The following MOK variants were observed in gnomAD, a reference collection of about 807,000 sequenced individuals.
The protein encoded by MOK is MOK protein kinase.
MOK carries 59 observed loss-of-function variants against 54.2 expected under a neutral mutation model. That is an observed-to-expected ratio of 1.09 (90% CI 0.88 to 1.35). MOK has a LOEUF of 1.35. Among genes scored for constraint, MOK ranks in the 40% most tolerant of loss-of-function variants. The pLI is 0.00. For synonymous variants in MOK, 210 were observed against 202.7 expected, an observed-to-expected ratio of 1.04 and a Z score of -0.31; for missense variants, 517 against 526.2, an observed-to-expected ratio of 0.98 and a Z score of 0.17.
intron 1 of MOK, among the ~76,000 whole-genome samples, chr14:102,289,582 C>CA (rs1293264410): frequency 1.3e-5 from 2 of 152,090 alleles, no homozygotes; most frequent in African/African-American, 4.8e-5. Flanking sequence ...CTCCATCTTC[C>CA]AAGTTCAAGA....
intron 7 of MOK, among the ~76,000 whole-genome samples, chr14:102,239,805 G>GT (rs977569557): frequency 6.6e-6 from 1 of 152,158 alleles, no homozygotes; most frequent in Admixed American, 6.5e-5. Flanking sequence ...GGAGGCAAAG[G>GT]TTGCAGTGAG....
rs750741508 is a variant in MOK, at chr14:102,233,787, A to C, written c.593T>G (p.Leu198Arg). The change falls in exon 8 of 12, where the codon CTG becomes CGG. Residue 198 changes from leucine to arginine, a missense_variant and splice_region_variant. By Grantham distance (102) the Leu-to-Arg change is moderately radical (BLOSUM62 -2). Coordinates refer to ENST00000361847, the MANE Select transcript of MOK (RefSeq NM_014226.3). Reference sequence around the variant, plus strand: ...ATTTACTCCAGGAAAGAGGGGCTGCAGACTGGAAGGGCAGAAGGGGCACTG... The same window carrying C: ...ATTTACTCCAGGAAAGAGGGGCTGCCGACTGGAAGGGCAGAAGGGGCACTG... ...AGCVFYEIAS[L>R]QPLFPGVNEL... The C allele has an allele frequency of 3.1e-6, 5 of 1,612,510 alleles. No individual in the cohort carries two copies. Among genetic ancestry groups the C allele is most frequent in the Non-Finnish European group, 4.2e-6 (5 of 1,178,518 alleles).
At chr14:102,254,557 G>A (rs963896318) in intron 4 of MOK, among the ~76,000 whole-genome samples, 4 of 152,044 alleles carry the variant, frequency 2.6e-5, no homozygotes, top group Non-Finnish European at 5.9e-5. Context: ...CAGTCTCACT[G>A]CTCCCGACTT....
intron 2 of MOK, among the ~76,000 whole-genome samples, chr14:102,270,708 T>C (rs865950195): frequency 3.9e-5 from 6 of 152,102 alleles, no homozygotes; most frequent in African/African-American, 1.4e-4. Flanking sequence ...TTACCAAATC[T>C]GACACAAAAT....
chr14:102,219,561 C>T (rs527393459), downstream of MOK, among the ~76,000 whole-genome samples: 163 of 152,368 alleles, frequency 1.1e-3, no homozygotes, highest in African/African-American at 3.6e-3. Flanking sequence ...GCCTTCGCTT[C>T]GCCTTCCGGT....
At chr14:102,227,513 T>C (rs538660588), downstream of MOK, among the ~76,000 whole-genome samples, 6 of 152,100 alleles carry the variant, frequency 3.9e-5, no homozygotes, top group East Asian at 1.2e-3. Flanking sequence ...TGCACCAGGG[T>C]CTCAAATGGG....
chr14:102,242,070 C>G (rs1215119353), intron 7 of MOK, among the ~76,000 whole-genome samples: 1 of 152,248 alleles, frequency 6.6e-6, no homozygotes, highest in African/African-American at 2.4e-5. Flanking sequence ...TGACTGACTC[C>G]TTCCCAGATC....
intron 7 of MOK, among the ~76,000 whole-genome samples, chr14:102,242,501 C>T (rs2065796522): frequency 7.8e-6 from 1 of 128,856 alleles, no homozygotes; most frequent in South Asian, 2.9e-4. Flanking sequence ...CCACCTTAAT[C>T]CACAAGTATG....
Position 102,229,188 on chromosome 14 carries a change from C to A in MOK, c.*101G>T. The A allele has an allele frequency of 7.9e-7, 1 of 1,270,044 alleles. No homozygotes were observed. Among genetic ancestry groups the A allele is most frequent in the Admixed American group, 2.4e-5 (1 of 40,904 alleles). The allele number at this position is 1,270,044 out of a possible 1,614,324, so 78.7% of individuals were successfully genotyped here. A position where few individuals can be genotyped will look rare whatever the true frequency, so the allele number is the denominator to read the frequency against. On this transcript the variant is annotated 3_prime_UTR_variant, in exon 12 of 12. Coordinates refer to ENST00000361847, the MANE Select transcript of MOK (RefSeq NM_014226.3). ...CCGGCCAGCGCGAAACGGACGCAGG[C>A]GCATCCCCAGCCCTCCGTGGCGTCT...
intron 2 of MOK, among the ~76,000 whole-genome samples, chr14:102,271,829 G>A (rs1057400888): frequency 6.6e-6 from 1 of 151,984 alleles, no homozygotes; most frequent in Non-Finnish European, 1.5e-5. Flanking sequence ...AAAGTGCTGG[G>A]AATACAGGTG....
chr14:102,263,255 G>A (rs1257654417), intron 4 of MOK, among the ~76,000 whole-genome samples: 2 of 152,152 alleles, frequency 1.3e-5, no homozygotes, highest in South Asian at 2.1e-4. Context: ...TGCCCACGGC[G>A]GGGCTGGCTG....
chr14:102,244,143 A>G (rs1333683950), intron 7 of MOK, among the ~76,000 whole-genome samples: 1 of 152,184 alleles, frequency 6.6e-6, no homozygotes, highest in Non-Finnish European at 1.5e-5. Flanking sequence ...AGGAAGCTGG[A>G]GTCATTCACT....
At chr14:102,215,674 T>C in the MOK span, among the ~76,000 whole-genome samples, 6 of 152,188 alleles carry the variant, frequency 3.9e-5, no homozygotes, top group East Asian at 1.2e-3. Flanking sequence ...TAGAGTTCAT[T>C]GTCTGCCTAC....
At chr14:102,287,984 G>A (rs943415996) in intron 1 of MOK, among the ~76,000 whole-genome samples, 95 of 151,758 alleles carry the variant, frequency 6.3e-4, no homozygotes, top group Admixed American at 6.6e-5. Context: ...ACAGGCGCCC[G>A]CCACCGCGCC....
Position 102,229,145 on chromosome 14 carries a change from A to AGGGCAGCACCCAGAGCCCC in MOK, c.*125_*143dup. The AGGGCAGCACCCAGAGCCCC allele has an allele frequency of 1.2e-6, 1 of 850,740 alleles. No homozygotes were observed. Among genetic ancestry groups the AGGGCAGCACCCAGAGCCCC allele is most frequent in the Non-Finnish European group, 1.8e-6 (1 of 563,232 alleles). 52.7% of individuals were successfully genotyped at this position (850,740 alleles called of 1,614,324 possible). A position where few individuals can be genotyped will look rare whatever the true frequency, so the allele number is the denominator to read the frequency against. On this transcript the variant is annotated 3_prime_UTR_variant, in exon 12 of 12. Coordinates refer to ENST00000361847, the MANE Select transcript of MOK (RefSeq NM_014226.3). ...GCGGGCCGCGGGTGCGGCAGGGCGCAGGGCAGCACCCAGAGCCCCGGCCAG... is the reference window on the plus strand; with the variant it reads ...GCGGGCCGCGGGTGCGGCAGGGCGCAGGGCAGCACCCAGAGCCCCGGGCAGCACCCAGAGCCCCGGCCAG...
At chr14:102,244,421 C>G (rs1193391322) in intron 7 of MOK, among the ~76,000 whole-genome samples, 1 of 152,212 alleles carries the variant, frequency 6.6e-6, no homozygotes, top group Non-Finnish European at 1.5e-5. Flanking sequence ...ACCTCTTCCA[C>G]GTAGATTACA....
chr14:102,250,559 T>C (rs1270783085), intron 7 of MOK, among the ~76,000 whole-genome samples: 1 of 152,142 alleles, frequency 6.6e-6, no homozygotes. Flanking sequence ...AGGAGGCAGC[T>C]GCCCACACCA....
chr14:102,218,253 T>C, the MOK span, among the ~76,000 whole-genome samples: 3 of 152,188 alleles, frequency 2.0e-5, no homozygotes, highest in Non-Finnish European at 4.4e-5. Flanking sequence ...CCCAGGTGGA[T>C]GAGGGATGAG....
chr14:102,291,835 G>C (rs2070784849), intron 1 of MOK, among the ~76,000 whole-genome samples: 1 of 151,986 alleles, frequency 6.6e-6, no homozygotes, highest in Non-Finnish European at 1.5e-5. Flanking sequence ...GCCTGTGCCT[G>C]TAATCCCAGC....
Sources: allele counts gnomAD v4.1 joint callset (sites outside exome capture counted in the v4.1 genomes callset), GRCh38; gene constraint gnomAD v4.1.1; transcripts MANE v1.5; gene names NCBI Gene and HGNC (gene_info 2026-07-23, HGNC 2026-07-21).